The following VAV3 variants were observed in gnomAD, a reference collection of about 807,000 sequenced individuals.
VAV3 encodes the protein vav guanine nucleotide exchange factor 3, also known as guanine nucleotide exchange factor VAV3.
Under a neutral mutation model 131.2 loss-of-function variants are expected in VAV3, and 94 were observed. That is an observed-to-expected ratio of 0.72 (90% CI 0.61 to 0.85). The LOEUF (loss-of-function observed/expected upper bound fraction) is 0.85, where lower values mean the gene tolerates loss of function less well. Among genes scored for constraint, VAV3 ranks in the 40% least tolerant of loss-of-function variants. The pLI, the probability that VAV3 is intolerant of heterozygous loss-of-function variation, is 0.00. For missense variants in VAV3, 939 were observed against 1,002.7 expected, an observed-to-expected ratio of 0.94 and a Z score of 0.86; for synonymous variants, 349 against 342.0, an observed-to-expected ratio of 1.02 and a Z score of -0.22.
rs146084115 is a variant in VAV3, at chr1:107,624,875, G to A, written c.1915-7243C>T. ...GAATAGACGTGGACACAATCTTCAA[G>A]GATCTCATTCAGACAATGCCATTTC... On this transcript the variant is annotated intron_variant, in intron 20 of 26. Coordinates refer to ENST00000370056, the MANE Select transcript of VAV3 (RefSeq NM_006113.5). 5.3e-5 allele frequency among the ~76,000 whole-genome samples: 8 copies of A among 152,262 alleles called. No homozygotes were observed. In the East Asian group the frequency reaches 1.5e-3, roughly 29 times the overall value.
rs143836526 is a variant in VAV3 at position 107,904,740 on chromosome 1, T to C, written c.205-29723A>G. On this transcript the variant is annotated intron_variant, in intron 1 of 26. Coordinates refer to ENST00000370056, the MANE Select transcript of VAV3 (RefSeq NM_006113.5). Reference sequence around the variant, plus strand: ...TATAGATCAGTAAACTAAAAATGCATAGAAGAAAAATTTCTCTACCATCAT... The same window carrying C: ...TATAGATCAGTAAACTAAAAATGCACAGAAGAAAAATTTCTCTACCATCAT... Among the ~76,000 whole-genome samples the C allele has an allele frequency of 4.6e-4, 70 of 152,262 alleles. 1 individual carries two copies. In the East Asian group the frequency reaches 0.012, roughly 26 times the overall value.
At chr1:107,700,082 T>G (rs1026186247) in intron 17 of VAV3, among the ~76,000 whole-genome samples, 2 of 152,226 alleles carry the variant, frequency 1.3e-5, no homozygotes, top group African/African-American at 4.8e-5. Context: ...CAAGGCAGCA[T>G]GCCAAAGCTG....
intron 24 of VAV3, among the ~76,000 whole-genome samples, chr1:107,600,459 A>G (rs1221561331): frequency 6.6e-6 from 1 of 152,168 alleles, no homozygotes; most frequent in South Asian, 2.1e-4. Flanking sequence ...GCTTCCTTAC[A>G]AAAGATGCCC....
At chr1:107,671,913 T>C (rs934558437) in intron 19 of VAV3, among the ~76,000 whole-genome samples, 2 of 152,218 alleles carry the variant, frequency 1.3e-5, no homozygotes, top group Non-Finnish European at 2.9e-5. Flanking sequence ...AAGCTATGTG[T>C]ATAATAAAGC....
chr1:107,638,517 T>G (rs946077636), intron 20 of VAV3, among the ~76,000 whole-genome samples: 4 of 152,106 alleles, frequency 2.6e-5, no homozygotes, highest in African/African-American at 9.7e-5. Flanking sequence ...GCAAAACACT[T>G]CTGAGAATTA....
At chr1:107,826,559 C>A (rs929900196) in intron 2 of VAV3, among the ~76,000 whole-genome samples, 2 of 152,116 alleles carry the variant, frequency 1.3e-5, no homozygotes, top group African/African-American at 4.8e-5. Context: ...TGAGGTCATA[C>A]TTTCATTACT....
At chr1:107,615,217 G>A (rs1653053771) in intron 21 of VAV3, among the ~76,000 whole-genome samples, 1 of 152,110 alleles carries the variant, frequency 6.6e-6, no homozygotes, top group African/African-American at 2.4e-5. Flanking sequence ...AGGCAATGGG[G>A]ATAAGATTCC....
intron 20 of VAV3, among the ~76,000 whole-genome samples, chr1:107,631,962 G>A (rs965703528): frequency 1.3e-5 from 2 of 152,052 alleles, no homozygotes; most frequent in African/African-American, 2.4e-5. Context: ...CTTTATAGCA[G>A]CATGATTTAT....
At chr1:107,952,203 G>A (rs749190467) in intron 1 of VAV3, among the ~76,000 whole-genome samples, 4 of 151,838 alleles carry the variant, frequency 2.6e-5, no homozygotes, top group South Asian at 2.1e-4. Flanking sequence ...GCAAACTAAC[G>A]CAGGAACAGA....
chr1:107,589,108 G>A (rs1184178557), intron 25 of VAV3, among the ~76,000 whole-genome samples: 2 of 151,948 alleles, frequency 1.3e-5, no homozygotes, highest in Non-Finnish European at 2.9e-5. Context: ...GTTACAAAAT[G>A]ACAAAAAGAA....
At chr1:107,761,064 C>CAGA (rs1557828292) in intron 9 of VAV3, among the ~76,000 whole-genome samples, 185 bp from the exon 10 acceptor site, 1 of 152,050 alleles carries the variant, frequency 6.6e-6, no homozygotes, top group African/African-American at 2.4e-5. Flanking sequence ...TAACTCTAAA[C>CAGA]ATGAATAAAA....
intron 20 of VAV3, among the ~76,000 whole-genome samples, chr1:107,618,405 A>G (rs1011002954): frequency 6.6e-6 from 1 of 152,214 alleles, no homozygotes; most frequent in African/African-American, 2.4e-5. Context: ...GTGAAAATAG[A>G]AAACAGTGAA....
At chr1:107,621,280 C>T (rs1653582024) in intron 20 of VAV3, among the ~76,000 whole-genome samples, 1 of 152,006 alleles carries the variant, frequency 6.6e-6, no homozygotes. Flanking sequence ...GATAATTTAA[C>T]CTATTTTAAC....
At chr1:107,777,523 C>A (rs1233907094) in intron 3 of VAV3, 1 of 565,878 alleles carries the variant, frequency 1.8e-6, no homozygotes, top group East Asian at 3.0e-5. Context: ...CTGAAATCAT[C>A]TGAAGCAATT....
chr1:107,849,762 T>G (rs1669134997), intron 2 of VAV3, among the ~76,000 whole-genome samples: 1 of 152,086 alleles, frequency 6.6e-6, no homozygotes, highest in Non-Finnish European at 1.5e-5. Context: ...CAAAAGAAAC[T>G]ATCAACAGAG....
At chr1:107,933,462 A>T (rs1477110493) in intron 1 of VAV3, among the ~76,000 whole-genome samples, 1 of 152,140 alleles carries the variant, frequency 6.6e-6, no homozygotes, top group Non-Finnish European at 1.5e-5. Context: ...CAAGGTTAGC[A>T]ATTAGAAGGA....
intron 1 of VAV3, among the ~76,000 whole-genome samples, chr1:107,959,848 C>G (rs1674997802): frequency 1.3e-5 from 2 of 152,178 alleles, no homozygotes; most frequent in South Asian, 4.1e-4. Context: ...TCCTTCCCCT[C>G]TCCCCACATA....
At chr1:107,821,897 G>A (rs1405797434) in intron 2 of VAV3, among the ~76,000 whole-genome samples, 1 of 152,218 alleles carries the variant, frequency 6.6e-6, no homozygotes, top group African/African-American at 2.4e-5. Flanking sequence ...GCTATCTTAG[G>A]GGAAGAAGTA....
At chr1:107,860,382 G>T (rs1185347709) in intron 2 of VAV3, among the ~76,000 whole-genome samples, 1 of 144,278 alleles carries the variant, frequency 6.9e-6, no homozygotes, top group Non-Finnish European at 1.6e-5. Flanking sequence ...TATATGTTTG[G>T]TTATCTCTAT....
Sources: gnomAD v4.1 joint callset for allele counts (sites outside exome capture counted in the v4.1 genomes callset) on GRCh38, gnomAD v4.1.1 for gene constraint, MANE v1.5 for transcripts, NCBI Gene and HGNC (gene_info 2026-07-23, HGNC 2026-07-21) for gene names.